The following SLC28A1 variants were observed in gnomAD, a reference collection of about 807,000 sequenced individuals.
The protein encoded by SLC28A1 is sodium/nucleoside cotransporter 1.
A neutral mutation model predicts 74.8 loss-of-function variants in SLC28A1; 64 were observed. The observed-to-expected ratio is 0.86, with a 90% CI of 0.70 to 1.05. The LOEUF is 1.05. SLC28A1 is among the 50% of genes least tolerant of loss of function. The pLI, the probability that SLC28A1 is intolerant of heterozygous loss-of-function variation, is 0.00. For missense variants in SLC28A1, 828 were observed against 822.8 expected (o/e 1.01, Z -0.08); for synonymous variants, 359 against 335.0 (o/e 1.07, Z -0.78).
At chr15:84,939,662 G>A (rs2142036512) in intron 15 of SLC28A1, 1 of 152,064 alleles carries the variant, frequency 6.6e-6, no homozygotes, top group South Asian at 2.1e-4. Context: ...CCTCAGGTAG[G>A]GGCCATGCTA....
At position 84,888,825 on chromosome 15, in the gene SLC28A1, C is replaced by G. The variant is rs1467230223; in HGVS notation, c.150C>G (p.Ser50Arg). 1 of 1,554,494 alleles carries G rather than the reference C, an allele frequency of 6.4e-7. No homozygotes were observed. The highest frequency in any genetic ancestry group is 1.9e-5 in the Admixed American group (1 of 51,398). The change falls in exon 4 of 19, where the codon AGC (serine) becomes AGG (arginine). Residue 50 changes from serine (S) to arginine (R), a missense_variant. Ser to Arg is a moderately radical substitution (Grantham distance 110). Around this residue, in one of 3 missense-constraint regions of SLC28A1, gnomAD observed 767 missense variants for 753.5 expected, o/e 1.02. Coordinates refer to ENST00000394573, the MANE Select transcript of SLC28A1 (RefSeq NM_004213.5). ...SDLSPAEIRSSWSEAAPKPFS... is the reference protein window; with the variant it reads ...SDLSPAEIRSRWSEAAPKPFS... ...TGAGCCCCGCAGAGATCAGGAGCAG[C>G]TGGAGCGAGGCGGCGCCGAAGCCCT...
At chr15:84,964,306 G>A in the SLC28A1 span, among the ~76,000 whole-genome samples, 2 of 152,050 alleles carry the variant, frequency 1.3e-5, no homozygotes, top group Non-Finnish European at 1.5e-5. Flanking sequence ...GAAGGAAGAA[G>A]AAAAGAAGAG....
intron 8 of SLC28A1, among the ~76,000 whole-genome samples, chr15:84,906,516 G>C (rs140662434): frequency 0.38 from 26,865 of 70,374 alleles, 3,297 homozygotes; most frequent in South Asian, 0.53. Context: ...TTGTTTGTTT[G>C]TTTGTTTGTT....
At chr15:84,893,573 G>T (rs1179538326) in intron 5 of SLC28A1, among the ~76,000 whole-genome samples, 2 of 152,114 alleles carry the variant, frequency 1.3e-5, no homozygotes, top group Admixed American at 6.5e-5. Context: ...GGGTCACCGG[G>T]GGGGCTTATC....
At chr15:84,972,414 A>G in the SLC28A1 span, among the ~76,000 whole-genome samples, 1 of 152,260 alleles carries the variant, frequency 6.6e-6, no homozygotes, top group African/African-American at 2.4e-5. Context: ...CATCTATAAA[A>G]TAGGAATGAT....
intron 12 of SLC28A1, among the ~76,000 whole-genome samples, chr15:84,928,271 T>G (rs1238643439): frequency 6.6e-6 from 1 of 152,040 alleles, no homozygotes; most frequent in East Asian, 1.9e-4. Flanking sequence ...AGACTACAAC[T>G]ATAGCTGGCC....
At chr15:84,955,713 G>A in the SLC28A1 span, among the ~76,000 whole-genome samples, 2 of 152,196 alleles carry the variant, frequency 1.3e-5, no homozygotes, top group Non-Finnish European at 2.9e-5. Context: ...TGTGGGGGAG[G>A]TCGGTGCCTC....
chr15:84,921,774 A>C (rs1969858016), intron 11 of SLC28A1, among the ~76,000 whole-genome samples: 1 of 152,122 alleles, frequency 6.6e-6, no homozygotes, highest in Non-Finnish European at 1.5e-5. Context: ...TTTTTTGTTT[A>C]GTTTTGTCTT....
chr15:84,906,286 C>T (rs756445863), intron 8 of SLC28A1, among the ~76,000 whole-genome samples: 7 of 152,114 alleles, frequency 4.6e-5, no homozygotes, highest in African/African-American at 1.4e-4. Flanking sequence ...TCCCAAAGTG[C>T]TGGGATTACA....
intron 1 of SLC28A1, among the ~76,000 whole-genome samples, chr15:84,885,541 G>A (rs2141599925): frequency 6.6e-6 from 1 of 152,018 alleles, no homozygotes; most frequent in Admixed American, 6.5e-5. Context: ...AGACCAGCCT[G>A]ACCAACATGG....
At chr15:84,917,267 G>T (rs1596301596) in intron 9 of SLC28A1, among the ~76,000 whole-genome samples, 1 of 152,128 alleles carries the variant, frequency 6.6e-6, no homozygotes, top group Non-Finnish European at 1.5e-5. Flanking sequence ...ACAGGACACA[G>T]AATAGAGCAA....
intron 16 of SLC28A1, among the ~76,000 whole-genome samples, chr15:84,944,054 C>T (rs1973018768): frequency 6.6e-6 from 1 of 152,230 alleles, no homozygotes; most frequent in Admixed American, 6.5e-5. Context: ...GTGGTGCTTG[C>T]CTGTCCCCAA....
downstream of SLC28A1, among the ~76,000 whole-genome samples, chr15:84,946,764 G>C (rs180845645): frequency 2.6e-3 from 397 of 152,176 alleles, 3 homozygotes; most frequent in African/African-American, 9.0e-3. Flanking sequence ...TGTGCCACTA[G>C]GTGAGGCCCG....
the SLC28A1 span, among the ~76,000 whole-genome samples, chr15:84,955,213 T>C: frequency 2.0e-5 from 3 of 152,158 alleles, no homozygotes; most frequent in African/African-American, 7.2e-5. Context: ...CACTGAGGCC[T>C]CAGACATCAT....
intron 9 of SLC28A1, among the ~76,000 whole-genome samples, chr15:84,913,370 G>T (rs1208676187): frequency 7.0e-6 from 1 of 143,668 alleles, no homozygotes; most frequent in Non-Finnish European, 1.5e-5. Context: ...CCTCCAGGGA[G>T]AGGAGGGGGC....
chr15:84,974,529 G>C, the SLC28A1 span, among the ~76,000 whole-genome samples: 1 of 152,186 alleles, frequency 6.6e-6, no homozygotes, highest in African/African-American at 2.4e-5. Flanking sequence ...AGATGGGGAT[G>C]ATTCTGTGCA....
chr15:84,893,915 G>C (rs1965646561), intron 5 of SLC28A1, among the ~76,000 whole-genome samples: 1 of 152,232 alleles, frequency 6.6e-6, no homozygotes, highest in South Asian at 2.1e-4. Flanking sequence ...TGGCGGCCTT[G>C]CCAGGCTCAG....
chr15:84,907,912 G>A (rs188269914), intron 8 of SLC28A1, among the ~76,000 whole-genome samples: 1 of 152,246 alleles, frequency 6.6e-6, no homozygotes, highest in East Asian at 1.9e-4. Context: ...TTTATAGATG[G>A]GAACACTGAG....
chr15:84,938,021 G>A (rs1972150514), intron 15 of SLC28A1, among the ~76,000 whole-genome samples: 1 of 152,128 alleles, frequency 6.6e-6, no homozygotes, highest in South Asian at 2.1e-4. Context: ...CCAACATGGA[G>A]AAACCCCGTC....
Sources: gnomAD v4.1 joint callset for allele counts (sites outside exome capture counted in the v4.1 genomes callset) on GRCh38, gnomAD v4.1.1 for gene constraint, gnomAD v4.1.1 regional missense constraint, MANE v1.5 for transcripts, NCBI Gene and HGNC (gene_info 2026-07-23, HGNC 2026-07-21) for gene names.